The following TRHDE variants were observed in gnomAD, a reference collection of about 807,000 sequenced individuals.
TRHDE encodes thyrotropin-releasing hormone-degrading ectoenzyme.
TRHDE carries 72 observed loss-of-function variants against 125.7 expected under a neutral mutation model. That is an observed-to-expected ratio of 0.57 (90% CI 0.47 to 0.70). The LOEUF is 0.70. Among genes scored for constraint, TRHDE ranks in the 30% least tolerant of loss-of-function variants. TRHDE has a pLI of 0.00. For synonymous variants in TRHDE, 509 were observed against 509.1 expected, an observed-to-expected ratio of 1.00 and a Z score of 0.00; for missense variants, 1,110 against 1,327.1, an observed-to-expected ratio of 0.84 and a Z score of 2.54.
chr12:72,154,927 T>C (rs1234729307), intron 2 of TRHDE, among the ~76,000 whole-genome samples: 2 of 152,216 alleles, frequency 1.3e-5, no homozygotes, highest in Non-Finnish European at 2.9e-5. Flanking sequence ...CTTCTTGAAT[T>C]TGAATATTGG....
At chr12:72,118,164 C>G (rs1309327508) in intron 2 of TRHDE, among the ~76,000 whole-genome samples, 2 of 151,852 alleles carry the variant, frequency 1.3e-5, no homozygotes, top group Admixed American at 1.3e-4. Flanking sequence ...AAGATTTTCC[C>G]CATTCAATAT....
intron 12 of TRHDE, among the ~76,000 whole-genome samples, chr12:72,586,126 CA>C (rs968361980): frequency 6.7e-6 from 1 of 149,972 alleles, no homozygotes; most frequent in African/African-American, 2.5e-5. Context: ...CAACTGTAGG[CA>C]AGGTAGCAAT....
intron 6 of TRHDE, among the ~76,000 whole-genome samples, chr12:72,525,715 C>T (rs1285486802): frequency 1.3e-5 from 2 of 151,048 alleles, no homozygotes; most frequent in Non-Finnish European, 2.9e-5. Flanking sequence ...ATGGTAGGAA[C>T]CAGTTTGGGA....
intron 6 of TRHDE, among the ~76,000 whole-genome samples, chr12:72,537,013 G>A (rs1349654606): frequency 1.3e-5 from 2 of 152,050 alleles, no homozygotes; most frequent in Non-Finnish European, 2.9e-5. Context: ...ATCACAAGAG[G>A]TCATCTAAAT....
At chr12:72,101,811 G>T (rs551060513) in intron 1 of TRHDE, among the ~76,000 whole-genome samples, 2 of 152,258 alleles carry the variant, frequency 1.3e-5, no homozygotes, top group Non-Finnish European at 2.9e-5. Flanking sequence ...GACAGAACAG[G>T]CTGAGAAAAA....
chr12:72,377,972 C>T (rs757948283), intron 2 of TRHDE, 23 bp from the exon 3 acceptor site: 1 of 1,528,798 alleles, frequency 6.5e-7, no homozygotes, highest in Admixed American at 2.2e-5. Context: ...GCTAAAGTAA[C>T]TTTTATATAT....
intron 2 of TRHDE, among the ~76,000 whole-genome samples, chr12:72,318,728 G>A (rs1277467032): frequency 6.6e-6 from 1 of 150,628 alleles, no homozygotes. Context: ...TTTTTTTTGT[G>A]CCTTAATATC....
At chr12:72,288,495 T>C (rs1879973048) in intron 2 of TRHDE, among the ~76,000 whole-genome samples, 1 of 152,172 alleles carries the variant, frequency 6.6e-6, no homozygotes, top group Non-Finnish European at 1.5e-5. Flanking sequence ...AATCATTTGA[T>C]ATGTTGAATT....
chr12:72,633,782 G>T (rs1243485851), intron 15 of TRHDE, among the ~76,000 whole-genome samples: 2 of 152,090 alleles, frequency 1.3e-5, no homozygotes, highest in African/African-American at 4.8e-5. Context: ...GTAAAGTTAG[G>T]TGGGATTATA....
intron 2 of TRHDE, among the ~76,000 whole-genome samples, chr12:72,342,228 G>T (rs1592556617): frequency 1.3e-5 from 2 of 152,052 alleles, no homozygotes; most frequent in East Asian, 3.9e-4. Flanking sequence ...GAAAATCATG[G>T]TTATAACCTT....
intron 3 of TRHDE, among the ~76,000 whole-genome samples, chr12:72,468,259 C>T (rs1592467582): frequency 6.6e-6 from 1 of 152,164 alleles, no homozygotes; most frequent in African/African-American, 2.4e-5. Context: ...TTTTGCTCTT[C>T]ACTTATTTCC....
At chr12:72,560,358 T>A (rs1565790345) in intron 7 of TRHDE, among the ~76,000 whole-genome samples, 1 of 152,192 alleles carries the variant, frequency 6.6e-6, no homozygotes, top group Non-Finnish European at 1.5e-5. Context: ...CAAGGTCAAC[T>A]CATATTATGA....
intron 2 of TRHDE, among the ~76,000 whole-genome samples, chr12:72,193,863 TC>T (rs1877385694): frequency 2.0e-5 from 3 of 152,168 alleles, no homozygotes; most frequent in Admixed American, 2.0e-4. Context: ...GATCCACACT[TC>T]CCTTCCATCA....
At chr12:72,388,233 C>G (rs984611451) in intron 3 of TRHDE, among the ~76,000 whole-genome samples, 4 of 152,172 alleles carry the variant, frequency 2.6e-5, no homozygotes, top group African/African-American at 9.7e-5. Flanking sequence ...CTTCTCTGAT[C>G]CCTCTGTTAT....
At chr12:72,264,418 AATG>A (rs1879020096) in intron 2 of TRHDE, 1 of 152,000 alleles carries the variant, frequency 6.6e-6, no homozygotes, top group Admixed American at 6.6e-5. Context: ...TTGTTGTAGA[AATG>A]ATACTAAGTT....
intron 6 of TRHDE, among the ~76,000 whole-genome samples, chr12:72,510,603 T>A (rs1878542483): frequency 6.6e-6 from 1 of 152,218 alleles, no homozygotes; most frequent in African/African-American, 2.4e-5. Context: ...AGGATTCTTG[T>A]CTATTGTGCC....
At chr12:72,212,780 C>A (rs1243141221) in intron 2 of TRHDE, among the ~76,000 whole-genome samples, 1 of 152,102 alleles carries the variant, frequency 6.6e-6, no homozygotes, top group Non-Finnish European at 1.5e-5. Context: ...TTGGCAGTTC[C>A]TTAAAATGCT....
chr12:72,578,242 G>A (rs150185404), intron 12 of TRHDE, among the ~76,000 whole-genome samples: 7 of 152,220 alleles, frequency 4.6e-5, no homozygotes, highest in Admixed American at 2.6e-4. Flanking sequence ...GTGGTTACTT[G>A]TTGACATTTT....
Position 72,372,230 on chromosome 12 carries a change from G to A in TRHDE, c.1189-5765G>A, listed in dbSNP as rs1392653593. On this transcript the variant is annotated intron_variant, in intron 2 of 18. Coordinates refer to ENST00000261180, the MANE Select transcript of TRHDE (RefSeq NM_013381.3). ...TGTTCCTATCCTTTGCCCACTTTTC[G>A]ATGGGGTTGTTTTTTTTTCTTGTAA... is the stretch of plus-strand genomic sequence containing the variant. Among the ~76,000 whole-genome samples, 15 of 151,986 alleles carry A rather than the reference G, an allele frequency of 9.9e-5. No individual in the cohort carries two copies. In the East Asian group the frequency reaches 1.3e-3, roughly 14 times the overall value.
Sources: allele counts gnomAD v4.1 joint callset (sites outside exome capture counted in the v4.1 genomes callset), GRCh38; gene constraint gnomAD v4.1.1; transcripts MANE v1.5; gene names NCBI Gene and HGNC (gene_info 2026-07-23, HGNC 2026-07-21).